The following GPR143 variants were observed in gnomAD, a reference collection of about 807,000 sequenced individuals.
GPR143 encodes G protein-coupled receptor 143.
In GPR143, 8 loss-of-function variants were observed where a neutral mutation model predicts 27.6. That is an observed-to-expected ratio of 0.29 (90% CI 0.17 to 0.52). The LOEUF (loss-of-function observed/expected upper bound fraction) is 0.52, where lower values mean the gene tolerates loss of function less well. Ranked by LOEUF, GPR143 falls within the 20% of genes least tolerant of loss-of-function variation. GPR143 has a pLI of 0.96. For synonymous variants in GPR143, 156 were observed against 153.2 expected, an observed-to-expected ratio of 1.02 and a Z score of -0.13; for missense variants, 303 against 343.1, an observed-to-expected ratio of 0.88 and a Z score of 0.92.
Position 9,725,841 on chromosome X carries a change from C to T in GPR143, c.1121-1G>A, listed in dbSNP as rs765357725. Reference sequence around the variant, plus strand: ...ATTTCAATTGTGCTGGCATCAGAACCTGGAGAGGAAAAGACAAAAGACTGA... The same window carrying T: ...ATTTCAATTGTGCTGGCATCAGAACTTGGAGAGGAAAAGACAAAAGACTGA... On this transcript the variant is annotated splice_acceptor_variant, in intron 8 of 8. Transcript: ENST00000467482. LOFTEE classifies it high-confidence loss of function. The T allele has an allele frequency of 1.7e-6, 2 of 1,208,663 alleles. No homozygotes were observed. The highest frequency in any genetic ancestry group is 2.2e-6 in the Non-Finnish European group (2 of 894,078).
At chrX:9,754,804 A>T (rs1169137563) in intron 3 of GPR143, among the ~76,000 whole-genome samples, 5 of 110,982 alleles carry the variant, frequency 4.5e-5, no homozygotes. Context: ...AGGTGAAGTA[A>T]TATATCCTCT....
At position 9,740,064 on chromosome X, in the gene GPR143, G is replaced by C. The variant is rs768071575; in HGVS notation, c.886-345C>G. Among the ~76,000 whole-genome samples the C allele has an allele frequency of 1.7e-4, 19 of 110,711 alleles. No individual in the cohort carries two copies. The South Asian group carries it at 7.5e-3, about 44-fold the overall frequency. On this transcript the variant is annotated intron_variant, in intron 7 of 8. Coordinates refer to ENST00000467482, the MANE Select transcript of GPR143 (RefSeq NM_000273.3). Reference sequence around the variant, plus strand: ...GAAGGAGAAAGTGGGAGGAGAGGGTGGGGGAGGAGAAGAGGGCAGCAGTGG... The same window carrying C: ...GAAGGAGAAAGTGGGAGGAGAGGGTCGGGGAGGAGAAGAGGGCAGCAGTGG...
At chrX:9,726,001 A>T in intron 8 of GPR143, 161 bp from the exon 9 acceptor site, 1 of 720,050 alleles carries the variant, frequency 1.4e-6, no homozygotes, top group Non-Finnish European at 1.6e-6. Flanking sequence ...AAAAAAAAAA[A>T]AAAAGGTGGG....
At chrX:9,746,491 C>T (rs994283472) in intron 4 of GPR143, among the ~76,000 whole-genome samples, 1 of 110,526 alleles carries the variant, frequency 9.0e-6, no homozygotes, top group Middle Eastern at 4.7e-3. Flanking sequence ...AAGGAAAAAA[C>T]GCAATTCAAG....
At chrX:9,726,008 T>TG in intron 8 of GPR143, 168 bp from the exon 9 acceptor site, 4 of 471,768 alleles carry the variant, frequency 8.5e-6, no homozygotes, top group African/African-American at 4.2e-5. Flanking sequence ...AAAAAAAAGG[T>TG]GGGAGGGGTG....
chrX:9,758,455 A>G (rs2083482002), intron 3 of GPR143, among the ~76,000 whole-genome samples: 1 of 111,972 alleles, frequency 8.9e-6, no homozygotes, highest in Admixed American at 9.5e-5. Context: ...GTGACTGGGC[A>G]TCAGTTCAAA....
intron 8 of GPR143, among the ~76,000 whole-genome samples, chrX:9,734,035 G>A (rs1008274892): frequency 7.8e-5 from 8 of 102,536 alleles, no homozygotes; most frequent in African/African-American, 2.6e-4. Context: ...AGCTTAGATC[G>A]CGCCATTGCA....
At chrX:9,761,564 C>T (rs899754200) in intron 1 of GPR143, among the ~76,000 whole-genome samples, 1 of 112,328 alleles carries the variant, frequency 8.9e-6, no homozygotes, top group Non-Finnish European at 1.9e-5. Context: ...TTATTCCTCA[C>T]ATAAAAAAGA....
At chrX:9,736,752 T>C (rs2083381072) in intron 8 of GPR143, among the ~76,000 whole-genome samples, 1 of 112,597 alleles carries the variant, frequency 8.9e-6, no homozygotes, top group African/African-American at 3.2e-5. Flanking sequence ...AATAAAAAAA[T>C]ACCGATTGTA....
chrX:9,747,679 A>AT (rs1011560446), intron 4 of GPR143, among the ~76,000 whole-genome samples: 1 of 111,359 alleles, frequency 9.0e-6, no homozygotes, highest in African/African-American at 3.3e-5. Context: ...ATCTACACCA[A>AT]TTTTTTTCTG....
In GPR143 at chrX:9,760,723, C is replaced by T. The variant is rs750881659; in HGVS notation, c.354G>A (p.Gly118=). The part of the protein sequence containing the change: ...TEIWPAAFCV[G]SAMWIQLLYS... ...GCAGAGGGGGTGGACTCACCGCACT[C>T]CCCACGCAGAAAGCAGCAGGCCAAA... Residue 118 remains glycine, a synonymous_variant, in exon 2 of 9, where the codon GGG becomes GGA. Coordinates refer to ENST00000467482, the MANE Select transcript of GPR143 (RefSeq NM_000273.3). 3 of 1,152,997 alleles carry T rather than the reference C, an allele frequency of 2.6e-6. No individual in the cohort carries two copies. The highest frequency in any genetic ancestry group is 2.2e-5 in the Admixed American group (1 of 45,044).
At chrX:9,745,105 A>T (rs1215099341) in intron 5 of GPR143, among the ~76,000 whole-genome samples, 2 of 111,738 alleles carry the variant, frequency 1.8e-5, no homozygotes, top group Non-Finnish European at 3.8e-5. Context: ...TACAAAAAAA[A>T]GTAGCCGGGC....
Position 9,765,666 on chromosome X carries a change from C to A in GPR143, c.152G>T (p.Gly51Val). 1 of 1,000,507 alleles carries A rather than the reference C, an allele frequency of 1.0e-6. No homozygotes were observed. The allele number at this position is 1,000,507 out of a possible 1,213,427, so 82.5% of individuals were successfully genotyped here. A position where few individuals can be genotyped will look rare whatever the true frequency, so the allele number is the denominator to read the frequency against. The change falls in exon 1 of 9, where the codon GGC becomes GTC. Residue 51 changes from glycine to valine, a missense_variant. Physicochemically the swap from Gly to Val is moderately radical, Grantham distance 109. Transcript: ENST00000467482. ...LALGLLQLLP[G>V]RRPAGPGSPA... ...GGACCCGGGGCCCGCGGGCCGGCGG[C>A]CGGGCAGCAGCTGCAGAAGGCCCAG... is the stretch of plus-strand genomic sequence containing the variant.
intron 8 of GPR143, among the ~76,000 whole-genome samples, chrX:9,735,835 A>G (rs1050738448): frequency 2.7e-5 from 3 of 112,184 alleles, no homozygotes; most frequent in African/African-American, 9.7e-5. Context: ...CATAGGGAGA[A>G]GCCCATGGCT....
intron 8 of GPR143, among the ~76,000 whole-genome samples, chrX:9,730,416 C>T (rs748302155): frequency 3.0e-5 from 3 of 100,598 alleles, no homozygotes; most frequent in African/African-American, 1.2e-4. Flanking sequence ...TCTTCCACAC[C>T]CTCAAAGCAA....
In GPR143 at chrX:9,741,426, A is replaced by G; in HGVS notation, c.797T>C (p.Leu266Pro). Residue 266 changes from leucine to proline, a missense_variant, in exon 7 of 9, where the codon CTT becomes CCT. By Grantham distance (98) the Leu-to-Pro change is moderately conservative. Coordinates refer to ENST00000467482, the MANE Select transcript of GPR143 (RefSeq NM_000273.3). ...CWLSNIINES[L>P]LFYLEMQTDI... ...TGTTTGCATCTCAAGATAGAATAAA[A>G]GGCTTTCATTGATGATATTCGACAA... is the stretch of plus-strand genomic sequence containing the variant. 8.8e-7 allele frequency: 1 copy of G among 1,134,517 alleles called. No homozygotes were observed. The highest frequency in any genetic ancestry group is 1.2e-6 in the Non-Finnish European group (1 of 825,014). 93.5% of individuals were successfully genotyped at this position (1,134,517 alleles called of 1,213,427 possible).
intron 8 of GPR143, among the ~76,000 whole-genome samples, chrX:9,737,697 A>G (rs1344096487): frequency 8.9e-6 from 1 of 111,827 alleles, no homozygotes; most frequent in Non-Finnish European, 1.9e-5. Context: ...TGGTACGTTA[A>G]TTATATCTGA....
At chrX:9,763,348 C>T (rs974484184) in intron 1 of GPR143, among the ~76,000 whole-genome samples, 1 of 110,916 alleles carries the variant, frequency 9.0e-6, no homozygotes, top group Non-Finnish European at 1.9e-5. Context: ...TGTGGTGATG[C>T]ATGCCTGTAG....
At chrX:9,738,824 T>C (rs920709205) in intron 8 of GPR143, among the ~76,000 whole-genome samples, 4 of 112,179 alleles carry the variant, frequency 3.6e-5, no homozygotes, top group South Asian at 3.7e-4. Context: ...GTTTTCACCA[T>C]GTTGGTCAGG....
Sources: gnomAD v4.1 joint callset for allele counts (sites outside exome capture counted in the v4.1 genomes callset) on GRCh38, gnomAD v4.1.1 for gene constraint, MANE v1.5 for transcripts, NCBI Gene and HGNC (gene_info 2026-07-23, HGNC 2026-07-21) for gene names.